Variants in CADPS2 observed in about 807,000 individuals in gnomAD.
CADPS2 encodes the protein calcium dependent secretion activator 2, also known as calcium-dependent secretion activator 2.
Under a neutral mutation model 172.5 loss-of-function variants are expected in CADPS2, and 93 were observed. The ratio of observed to expected loss-of-function variants is 0.54; its 90% CI spans 0.46 to 0.64. The LOEUF is 0.64. CADPS2 is among the 30% of genes least tolerant of loss of function. The pLI, the probability that CADPS2 is intolerant of heterozygous loss-of-function variation, is 0.00. For synonymous variants in CADPS2, 546 were observed against 555.2 expected (o/e 0.98, Z 0.23); for missense variants, 1,420 against 1,565.9 (o/e 0.91, Z 1.57).
chr7:122,528,223 T>C (rs2061441109), intron 8 of CADPS2, among the ~76,000 whole-genome samples: 1 of 152,048 alleles, frequency 6.6e-6, no homozygotes, highest in South Asian at 2.1e-4. Flanking sequence ...GTGAGGATGG[T>C]AATAAACTTT....
chr7:122,526,601 C>G (rs1316944350), intron 8 of CADPS2, among the ~76,000 whole-genome samples: 1 of 152,184 alleles, frequency 6.6e-6, no homozygotes, highest in East Asian at 1.9e-4. Flanking sequence ...TGTTTCACCC[C>G]ATTTGTCCCA....
chr7:122,680,901 T>C (rs1325027763), intron 2 of CADPS2, among the ~76,000 whole-genome samples: 1 of 151,636 alleles, frequency 6.6e-6, no homozygotes, highest in Non-Finnish European at 1.5e-5. Flanking sequence ...AATGATAGAC[T>C]GGATTAAGAA....
intron 1 of CADPS2, among the ~76,000 whole-genome samples, chr7:122,806,911 C>A (rs1798909531): frequency 6.6e-6 from 1 of 152,194 alleles, no homozygotes; most frequent in Non-Finnish European, 1.5e-5. Context: ...CATGTGACAA[C>A]TATCAATCTA....
intron 6 of CADPS2, among the ~76,000 whole-genome samples, chr7:122,606,959 T>A (rs1432439717): frequency 1.3e-5 from 2 of 152,080 alleles, no homozygotes; most frequent in African/African-American, 2.4e-5. Flanking sequence ...GTGGGAGAAC[T>A]GCTAAGAATT....
chr7:122,885,512 C>T (rs564470760), intron 1 of CADPS2, among the ~76,000 whole-genome samples: 1 of 152,174 alleles, frequency 6.6e-6, no homozygotes, highest in South Asian at 2.1e-4. Flanking sequence ...AAATTTCTAC[C>T]CCTCTTAAGT....
intron 9 of CADPS2, among the ~76,000 whole-genome samples, chr7:122,498,132 G>C (rs1041349751): frequency 1.3e-5 from 2 of 152,076 alleles, no homozygotes. Context: ...ATTTTTAATA[G>C]AGACGGGGGT....
At chr7:122,420,574 C>T (rs1039679298) in intron 17 of CADPS2, among the ~76,000 whole-genome samples, 1 of 152,212 alleles carries the variant, frequency 6.6e-6, no homozygotes, top group African/African-American at 2.4e-5. Context: ...TTATCAATAG[C>T]CCCATTAAAA....
intron 2 of CADPS2, among the ~76,000 whole-genome samples, chr7:122,709,472 G>C (rs2088273789): frequency 6.6e-6 from 1 of 151,874 alleles, no homozygotes; most frequent in Admixed American, 6.6e-5. Flanking sequence ...CTGTAAACTA[G>C]TTCAACCATT....
intron 25 of CADPS2, among the ~76,000 whole-genome samples, chr7:122,378,318 C>G: frequency 6.6e-6 from 1 of 152,024 alleles, no homozygotes; most frequent in East Asian, 1.9e-4. Flanking sequence ...GATGTATTTC[C>G]AAACTATTTT....
At chr7:122,700,601 T>A (rs942436109) in intron 2 of CADPS2, among the ~76,000 whole-genome samples, 32 of 152,144 alleles carry the variant, frequency 2.1e-4, no homozygotes, top group African/African-American at 7.2e-4. Flanking sequence ...CATTGTTATA[T>A]AGGTGTTTAT....
Position 122,702,413 on chromosome 7 carries a change from GT to G in CADPS2, c.453+34541del, listed in dbSNP as rs764882376. The G allele has an allele frequency of 3.7e-6, 6 of 1,613,742 alleles. No homozygotes were observed. The South Asian group carries it at 5.5e-5, about 15-fold the overall frequency. On this transcript the variant is annotated intron_variant, in intron 2 of 29. Transcript: ENST00000449022. ...CTCTGCTGCCACGTTGATTTTATGT[GT>G]AAAAGTACAGCCTCCACGTTCGATG...
chr7:122,495,080 A>C (rs1211621022), intron 9 of CADPS2, among the ~76,000 whole-genome samples: 5 of 152,156 alleles, frequency 3.3e-5, no homozygotes, highest in Admixed American at 2.6e-4. Flanking sequence ...CTTAGTTCAA[A>C]GTTCCCCTAT....
intron 1 of CADPS2, among the ~76,000 whole-genome samples, chr7:122,821,175 C>A (rs915358456): frequency 3.2e-4 from 49 of 152,128 alleles, no homozygotes; most frequent in Non-Finnish European, 4.9e-4. Flanking sequence ...CTTACATTCA[C>A]CCCATTTCCC....
At chr7:122,740,909 A>G in intron 1 of CADPS2, among the ~76,000 whole-genome samples, 1 of 152,318 alleles carries the variant, frequency 6.6e-6, no homozygotes, top group Middle Eastern at 3.4e-3. Flanking sequence ...ATTCATAAAA[A>G]GAATACAAAT....
chr7:122,794,601 C>A (rs1228673831), intron 1 of CADPS2, among the ~76,000 whole-genome samples: 1 of 151,986 alleles, frequency 6.6e-6, no homozygotes, highest in East Asian at 1.9e-4. Flanking sequence ...GAGCTCAGTA[C>A]TGGATCAAAG....
At chr7:122,712,497 T>C (rs759235749) in intron 2 of CADPS2, among the ~76,000 whole-genome samples, 7 of 152,148 alleles carry the variant, frequency 4.6e-5, no homozygotes, top group African/African-American at 9.7e-5. Context: ...ACAGCACTGA[T>C]CAAAAAGGAA....
Position 122,319,927 on chromosome 7 carries a change from A to C in CADPS2, c.*238T>G, listed in dbSNP as rs1287951520. On this transcript the variant is annotated 3_prime_UTR_variant, in exon 30 of 30. Transcript: ENST00000449022. ...GGTTCATTTTTAGGTCAAACTACACAAAAGAGGATGCTCTTCTCCAAAAAA... is the reference window on the plus strand; with the variant it reads ...GGTTCATTTTTAGGTCAAACTACACCAAAGAGGATGCTCTTCTCCAAAAAA... 7.6e-6 allele frequency: 3 copies of C among 396,476 alleles called. No homozygotes were observed. The highest frequency in any genetic ancestry group is 8.8e-6 in the Non-Finnish European group (2 of 226,956). The allele number at this position is 396,476 out of a possible 1,614,324, so 24.6% of individuals were successfully genotyped here.
At chr7:122,736,601 T>C (rs1246197468) in intron 2 of CADPS2, among the ~76,000 whole-genome samples, 1 of 152,198 alleles carries the variant, frequency 6.6e-6, no homozygotes, top group Non-Finnish European at 1.5e-5. Context: ...GGGAACAAAA[T>C]TGCATAAGAT....
intron 6 of CADPS2, among the ~76,000 whole-genome samples, chr7:122,603,547 T>C (rs186356326): frequency 6.4e-4 from 98 of 152,080 alleles, no homozygotes; most frequent in Non-Finnish European, 1.3e-3. Flanking sequence ...GATTGGGTGT[T>C]CCTACCTATA....
Sources: allele counts gnomAD v4.1 joint callset (sites outside exome capture counted in the v4.1 genomes callset), GRCh38; gene constraint gnomAD v4.1.1; transcripts MANE v1.5; gene names NCBI Gene and HGNC (gene_info 2026-07-23, HGNC 2026-07-21).